STK32B: variants seen among roughly 807,000 people sequenced by gnomAD.
STK32B encodes the protein serine/threonine-protein kinase 32B.
STK32B carries 43 observed loss-of-function variants against 52.6 expected under a neutral mutation model. The observed-to-expected ratio is 0.82, with a 90% CI of 0.64 to 1.05. The LOEUF is 1.05. Ranked by LOEUF, STK32B falls within the 50% of genes least tolerant of loss-of-function variation. STK32B has a pLI of 0.00. For synonymous variants in STK32B, 238 were observed against 204.3 expected, an observed-to-expected ratio of 1.17 and a Z score of -1.41; for missense variants, 621 against 534.6, an observed-to-expected ratio of 1.16 and a Z score of -1.59.
chr4:5,455,113 G>A (rs1716379694), intron 7 of STK32B, among the ~76,000 whole-genome samples: 1 of 152,058 alleles, frequency 6.6e-6, no homozygotes, highest in South Asian at 2.1e-4. Flanking sequence ...GGGGGCAGAG[G>A]CGCACCCCTG....
intron 4 of STK32B, among the ~76,000 whole-genome samples, chr4:5,382,777 C>G (rs974310815): frequency 5.3e-5 from 8 of 152,138 alleles, no homozygotes; most frequent in African/African-American, 1.9e-4. Flanking sequence ...TGGACTCATT[C>G]TTTTTTATGC....
chr4:5,232,534 G>A (rs372244646), intron 3 of STK32B, among the ~76,000 whole-genome samples: 1 of 152,280 alleles, frequency 6.6e-6, no homozygotes, highest in South Asian at 2.1e-4. Flanking sequence ...CTTGAATTCT[G>A]TCTAGATACC....
intron 8 of STK32B, among the ~76,000 whole-genome samples, chr4:5,457,348 T>G (rs1202294221): frequency 6.6e-6 from 1 of 151,314 alleles, no homozygotes; most frequent in Non-Finnish European, 1.5e-5. Context: ...CCTGAGTAGC[T>G]GGGACTACAG....
At chr4:5,233,685 A>G (rs1724429046) in intron 3 of STK32B, among the ~76,000 whole-genome samples, 1 of 151,434 alleles carries the variant, frequency 6.6e-6, no homozygotes, top group African/African-American at 2.4e-5. Context: ...CTAGTAAGCC[A>G]GAGGCCAGAG....
intron 3 of STK32B, among the ~76,000 whole-genome samples, chr4:5,185,888 C>T (rs752587100): frequency 2.0e-5 from 3 of 152,182 alleles, no homozygotes; most frequent in Non-Finnish European, 2.9e-5. Context: ...ACCCCTACTA[C>T]CATCTTGGGC....
At chr4:5,411,287 G>A (rs1159886076) in intron 5 of STK32B, among the ~76,000 whole-genome samples, 4 of 151,908 alleles carry the variant, frequency 2.6e-5, no homozygotes, top group African/African-American at 7.3e-5. Flanking sequence ...TGCCCACCTC[G>A]GCCTCCCAAA....
At chr4:5,169,265 G>A (rs543593129) in intron 3 of STK32B, among the ~76,000 whole-genome samples, 1 of 152,086 alleles carries the variant, frequency 6.6e-6, no homozygotes, top group Non-Finnish European at 1.5e-5. Context: ...CTTGTTTCTG[G>A]GTAGTCTAAC....
intron 2 of STK32B, among the ~76,000 whole-genome samples, chr4:5,142,808 A>AT (rs981354106): frequency 3.9e-5 from 6 of 152,232 alleles, no homozygotes; most frequent in South Asian, 2.1e-4. Flanking sequence ...CTGCGAAGGT[A>AT]TTTTTTTGGA....
At chr4:5,225,373 C>T (rs996804477) in intron 3 of STK32B, among the ~76,000 whole-genome samples, 4 of 152,108 alleles carry the variant, frequency 2.6e-5, no homozygotes, top group African/African-American at 4.8e-5. Context: ...CGCCATTGCA[C>T]TCCAGCCTGG....
intron 1 of STK32B, among the ~76,000 whole-genome samples, chr4:5,087,446 T>TAA (rs568275875): frequency 7.4e-4 from 113 of 152,072 alleles, no homozygotes; most frequent in Middle Eastern, 3.6e-3. Context: ...AATTCTTCCT[T>TAA]AACAGTAGTT....
chr4:5,384,775 C>A (rs1326713794), intron 4 of STK32B, among the ~76,000 whole-genome samples: 1 of 151,894 alleles, frequency 6.6e-6, no homozygotes, highest in South Asian at 2.1e-4. Context: ...TGTGGGTGCC[C>A]GTGGGACTGA....
rs1251407728 is a variant in STK32B at position 5,386,751 on chromosome 4, G to C, written c.435-11456G>C. ...ATCTAAACGTAGGTCCCCTCATCTG[G>C]AAAATGACCAGGTCGTTCCGGGTGG... On this transcript the variant is annotated intron_variant, in intron 4 of 11. Transcript: ENST00000282908. The surrounding 1 kb of genome is among the most constrained non-coding windows in gnomAD (Gnocchi z 4.5). 6.6e-6 allele frequency among the ~76,000 whole-genome samples: 1 copy of C among 152,166 alleles called. No individual in the cohort carries two copies.
At chr4:5,216,611 G>A (rs1171053550) in intron 3 of STK32B, among the ~76,000 whole-genome samples, 1 of 152,192 alleles carries the variant, frequency 6.6e-6, no homozygotes, top group Non-Finnish European at 1.5e-5. Context: ...GAACAGCATG[G>A]ATGAGGACAC....
intron 3 of STK32B, among the ~76,000 whole-genome samples, chr4:5,304,247 G>C (rs191233226): frequency 6.6e-6 from 1 of 152,032 alleles, no homozygotes; most frequent in Non-Finnish European, 1.5e-5. Flanking sequence ...GAATTGCATT[G>C]AATTTGTACA....
chr4:5,248,996 G>A (rs924954694), intron 3 of STK32B, among the ~76,000 whole-genome samples: 3 of 152,074 alleles, frequency 2.0e-5, no homozygotes, highest in Non-Finnish European at 4.4e-5. Flanking sequence ...GTTAATGGGT[G>A]CAGCACACCG....
intron 4 of STK32B, among the ~76,000 whole-genome samples, chr4:5,336,601 C>G (rs1411810416): frequency 2.0e-5 from 3 of 151,928 alleles, no homozygotes; most frequent in Admixed American, 2.0e-4. Flanking sequence ...TCTTATGAAT[C>G]AAAATTGTGA....
Position 5,328,293 on chromosome 4 carries a change from A to T in STK32B, c.261-2927A>T, listed in dbSNP as rs558958595. Among the ~76,000 whole-genome samples the T allele has an allele frequency of 3.8e-4, 58 of 152,190 alleles. No individual in the cohort carries two copies. The South Asian group carries it at 4.6e-3, about 12-fold the overall frequency. ...TTCCTTTGCATTTATAACTTGGCCA[A>T]CTTTATGTTGTAAGAGTCTAGCTTT... On this transcript the variant is annotated intron_variant, in intron 3 of 11. Coordinates refer to ENST00000282908, the MANE Select transcript of STK32B (RefSeq NM_018401.3).
intron 3 of STK32B, among the ~76,000 whole-genome samples, chr4:5,295,525 T>C (rs897774441): frequency 6.6e-6 from 1 of 152,188 alleles, no homozygotes; most frequent in African/African-American, 2.4e-5. Context: ...TCCTGGAATT[T>C]ATCCGTTTCT....
intron 3 of STK32B, among the ~76,000 whole-genome samples, chr4:5,269,354 A>G (rs1727265118): frequency 6.6e-6 from 1 of 152,212 alleles, no homozygotes; most frequent in Non-Finnish European, 1.5e-5. Flanking sequence ...GCTTTAGATT[A>G]AGTATTACTC....
Sources: gnomAD v4.1 joint callset for allele counts (sites outside exome capture counted in the v4.1 genomes callset) on GRCh38, gnomAD v4.1.1 for gene constraint, Gnocchi (gnomAD v3.1) non-coding constraint, MANE v1.5 for transcripts, NCBI Gene and HGNC (gene_info 2026-07-23, HGNC 2026-07-21) for gene names.